SLC6A5: variants seen among roughly 807,000 people sequenced by gnomAD.
SLC6A5 encodes sodium- and chloride-dependent glycine transporter 2.
In SLC6A5, 58 loss-of-function variants were observed where a neutral mutation model predicts 90.5. The observed-to-expected ratio is 0.64, with a 90% CI of 0.52 to 0.80. SLC6A5 has a LOEUF of 0.80. Among genes scored for constraint, SLC6A5 ranks in the 30% least tolerant of loss-of-function variants. The pLI is 0.00. For missense variants in SLC6A5, 1,015 were observed against 1,017.6 expected (o/e 1.00, Z 0.03); for synonymous variants, 427 against 401.4 (o/e 1.06, Z -0.76).
At chr11:20,622,193 G>A (rs1040968620) in intron 7 of SLC6A5, among the ~76,000 whole-genome samples, 12 of 152,198 alleles carry the variant, frequency 7.9e-5, no homozygotes, top group African/African-American at 2.9e-4. Flanking sequence ...GGAACTAGCT[G>A]TGCAGAAACC....
At chr11:20,603,904 A>G (rs1036923373) in intron 2 of SLC6A5, among the ~76,000 whole-genome samples, 5 of 151,074 alleles carry the variant, frequency 3.3e-5, no homozygotes, top group Non-Finnish European at 7.4e-5. Context: ...TGCTTGCCAA[A>G]TAAATTCTTG....
intron 5 of SLC6A5, among the ~76,000 whole-genome samples, chr11:20,613,811 C>T (rs2133783646): frequency 6.6e-6 from 1 of 152,176 alleles, no homozygotes; most frequent in Admixed American, 6.5e-5. Flanking sequence ...AGGTGTGTGC[C>T]ATCATGCCTG....
In SLC6A5 at chr11:20,655,029, G is replaced by A. The variant is rs567894237; in HGVS notation, c.*161G>A. 23 of 798,452 alleles carry A rather than the reference G, an allele frequency of 2.9e-5. No homozygotes were observed. Among genetic ancestry groups the A allele is most frequent in the African/African-American group, 1.7e-4 (10 of 59,172 alleles). 49.5% of individuals were successfully genotyped at this position (798,452 alleles called of 1,614,324 possible). The stretch of plus-strand genomic sequence containing the variant: ...TATGTAGAAAAGTAGGCATAGTGTC[G>A]CATGCTGCAGTAAAGAGCTACATAG... On this transcript the variant is annotated 3_prime_UTR_variant, in exon 16 of 16. Transcript: ENST00000525748.
At chr11:20,647,413 A>ATATAT (rs1449942483) in intron 14 of SLC6A5, among the ~76,000 whole-genome samples, 8,211 of 120,292 alleles carry the variant, frequency 0.068, 353 homozygotes, top group Middle Eastern at 0.096. Flanking sequence ...ATTATATAGG[A>ATATAT]ATTCCTATTA....
chr11:20,616,933 G>A (rs952800067), intron 6 of SLC6A5, among the ~76,000 whole-genome samples: 6 of 152,192 alleles, frequency 3.9e-5, no homozygotes, highest in Non-Finnish European at 4.4e-5. Flanking sequence ...ACAGAAAAAC[G>A]TCAACCTACA....
rs752068841 is a variant in SLC6A5 at position 20,617,795 on chromosome 11, G to A, written c.1171G>A (p.Glu391Lys). ...KISAGIEYPG[E>K]IRWPLALCLF... The stretch of plus-strand genomic sequence containing the variant: ...TTCTGCAGGGATTGAATATCCTGGC[G>A]AGATCAGGTGGCCACTAGCTCTCTG... The change falls in exon 7 of 16, where the codon GAG becomes AAG. Residue 391 changes from glutamate to lysine, a missense_variant. Physicochemically the swap from Glu to Lys is moderately conservative, Grantham distance 56. Around this residue, in one of 3 missense-constraint regions of SLC6A5, gnomAD observed 567 missense variants for 507.3 expected, o/e 1.12. Transcript: ENST00000525748. 1.1e-5 allele frequency: 17 copies of A among 1,614,144 alleles called. No homozygotes were observed. In the Admixed American group the frequency reaches 2.0e-4, roughly 19 times the overall value.
At chr11:20,639,921 G>T (rs1056727982) in intron 13 of SLC6A5, among the ~76,000 whole-genome samples, 1 of 152,220 alleles carries the variant, frequency 6.6e-6, no homozygotes, top group African/African-American at 2.4e-5. Flanking sequence ...CAAGCTGCCA[G>T]CACTTTTGGC....
intron 5 of SLC6A5, among the ~76,000 whole-genome samples, chr11:20,611,156 GT>G (rs1852685920): frequency 6.6e-6 from 1 of 152,172 alleles, no homozygotes. Flanking sequence ...ATGCCAACCA[GT>G]TTAAAGACTC....
At chr11:20,637,326 G>A (rs745413578) in intron 12 of SLC6A5, 23 bp downstream of exon 12, 5 of 1,608,858 alleles carry the variant, frequency 3.1e-6, no homozygotes, top group Non-Finnish European at 4.3e-6. Context: ...CTAGGCACAG[G>A]CTTGGGGTGG....
chr11:20,612,827 G>A (rs756407852), intron 5 of SLC6A5, among the ~76,000 whole-genome samples: 11 of 152,130 alleles, frequency 7.2e-5, no homozygotes, highest in Non-Finnish European at 1.3e-4. Context: ...GCCACTTTTT[G>A]TTATTGTTGC....
chr11:20,634,547 A>T (rs1410612457), intron 10 of SLC6A5, among the ~76,000 whole-genome samples: 1 of 152,210 alleles, frequency 6.6e-6, no homozygotes, highest in Non-Finnish European at 1.5e-5. Context: ...TGTCGGCTTT[A>T]CGGGCCTGAC....
intron 11 of SLC6A5, 62 bp downstream of exon 11, chr11:20,636,481 G>A: frequency 9.4e-7 from 1 of 1,066,248 alleles, no homozygotes; most frequent in South Asian, 1.3e-5. Flanking sequence ...CCTCTCCTGG[G>A]TCCTGGGTTC....
intron 10 of SLC6A5, among the ~76,000 whole-genome samples, 159 bp downstream of exon 10, chr11:20,630,974 A>T (rs1306626931): frequency 1.3e-5 from 2 of 152,210 alleles, no homozygotes; most frequent in Non-Finnish European, 2.9e-5. Flanking sequence ...AGGCTCAAGT[A>T]GGAAGCTCAC....
chr11:20,639,340 T>C (rs1853270288), intron 13 of SLC6A5, among the ~76,000 whole-genome samples: 1 of 152,078 alleles, frequency 6.6e-6, no homozygotes, highest in Non-Finnish European at 1.5e-5. Flanking sequence ...CTCACTAATA[T>C]ATATATAAGG....
At chr11:20,636,160 A>T (rs1224954956) in intron 10 of SLC6A5, 147 bp from the exon 11 acceptor site, 1 of 705,810 alleles carries the variant, frequency 1.4e-6, no homozygotes, top group African/African-American at 1.8e-5. Context: ...GAGGAAATGG[A>T]TAGAGATGAG....
At chr11:20,635,250 C>T (rs978914001) in intron 10 of SLC6A5, among the ~76,000 whole-genome samples, 2 of 151,960 alleles carry the variant, frequency 1.3e-5, no homozygotes, top group Non-Finnish European at 2.9e-5. Flanking sequence ...TATTTTTGTC[C>T]CCATTTTACA....
chr11:20,601,422 G>A lies in SLC6A5; in HGVS notation c.297G>A (p.Glu99=), dbSNP rs1269196177. ...AASAALRDLR[E]AQGAQASPPP... is the part of the protein sequence containing the mutation. Reference sequence around the variant, plus strand: ...CTGCAGCTCTGCGGGACTTGAGAGAGGCGCAAGGCGCGCAGGCCTCGCCCC... The same window carrying A: ...CTGCAGCTCTGCGGGACTTGAGAGAAGCGCAAGGCGCGCAGGCCTCGCCCC... Residue 99 remains glutamate (E), a synonymous_variant, in exon 2 of 16, where the codon GAG becomes GAA. Transcript: ENST00000525748. The A allele has an allele frequency of 6.2e-7, 1 of 1,605,312 alleles. No homozygotes were observed. Among genetic ancestry groups the A allele is most frequent in the Admixed American group, 1.7e-5 (1 of 58,728 alleles).
chr11:20,650,177 G>A (rs1853497293), intron 14 of SLC6A5, among the ~76,000 whole-genome samples: 1 of 152,106 alleles, frequency 6.6e-6, no homozygotes, highest in Non-Finnish European at 1.5e-5. Flanking sequence ...AGGAGGAGAG[G>A]ACTTACATAG....
At position 20,637,347 on chromosome 11, in the gene SLC6A5, G is replaced by A. The variant is rs558002886; in HGVS notation, c.1869+44G>A. ...ACAGGCTTGGGGTGGGGGCAGGAGG[G>A]TGGGGGGCCAATAGCTATCTGTCTT... On this transcript the variant is annotated intron_variant, in intron 12 of 15. Coordinates refer to ENST00000525748, the MANE Select transcript of SLC6A5 (RefSeq NM_004211.5). 13 of 1,538,472 alleles carry A rather than the reference G, an allele frequency of 8.4e-6. No individual in the cohort carries two copies. The African/African-American group carries it at 1.1e-4, about 13-fold the overall frequency.
Sources: gnomAD v4.1 joint callset for allele counts (sites outside exome capture counted in the v4.1 genomes callset) on GRCh38, gnomAD v4.1.1 for gene constraint, gnomAD v4.1.1 regional missense constraint, MANE v1.5 for transcripts, NCBI Gene and HGNC (gene_info 2026-07-23, HGNC 2026-07-21) for gene names.